The following NRDC variants were observed in gnomAD, a reference collection of about 807,000 sequenced individuals.
NRDC encodes nardilysin.
A neutral mutation model predicts 147.1 loss-of-function variants in NRDC; 54 were observed. That is an observed-to-expected ratio of 0.37 (90% CI 0.29 to 0.46). The LOEUF (loss-of-function observed/expected upper bound fraction) is 0.46, where lower values mean the gene tolerates loss of function less well. NRDC is among the 20% of genes least tolerant of loss of function. NRDC has a pLI of 1.00. For missense variants in NRDC, 1,082 were observed against 1,370.6 expected (o/e 0.79, Z 3.33); for synonymous variants, 440 against 482.1 (o/e 0.91, Z 1.14).
chr1:51,859,645 T>C (rs1682431622), intron 1 of NRDC: 1 of 152,292 alleles, frequency 6.6e-6, no homozygotes, highest in Admixed American at 6.5e-5. Context: ...ATACCCATCT[T>C]GGGTGCCATG....
At chr1:51,791,796 TG>T (rs1263900413) in intron 26 of NRDC, 135 bp from the exon 27 acceptor site, 10 of 749,724 alleles carry the variant, frequency 1.3e-5, no homozygotes, top group African/African-American at 3.5e-5. Context: ...GACCCAAAAA[TG>T]TTAAGGTGTC....
At chr1:51,842,475 A>G (rs1681318983) in intron 1 of NRDC, among the ~76,000 whole-genome samples, 1 of 152,222 alleles carries the variant, frequency 6.6e-6, no homozygotes, top group Non-Finnish European at 1.5e-5. Flanking sequence ...AATAAGCTCA[A>G]TTATGTAAAC....
chr1:51,813,287 G>A (rs1180096295), intron 14 of NRDC, among the ~76,000 whole-genome samples: 1 of 152,126 alleles, frequency 6.6e-6, no homozygotes, highest in Non-Finnish European at 1.5e-5. Context: ...TATTTACCGA[G>A]CACCCAGATA....
At chr1:51,851,541 C>T (rs1484600783) in intron 1 of NRDC, among the ~76,000 whole-genome samples, 1 of 144,466 alleles carries the variant, frequency 6.9e-6, no homozygotes, top group Admixed American at 7.0e-5. Context: ...AGATTTGGGC[C>T]CAAGGAAAAA....
At chr1:51,793,983 C>T (rs1175715420) in intron 24 of NRDC, 1 of 154,944 alleles carries the variant, frequency 6.5e-6, no homozygotes, top group Non-Finnish European at 1.4e-5. Context: ...AAGGAATAAT[C>T]TGAGACCCAG....
At chr1:51,821,412 A>G in intron 8 of NRDC, 86 bp downstream of exon 8, 1 of 871,710 alleles carries the variant, frequency 1.1e-6, no homozygotes, top group Non-Finnish European at 1.8e-6. Context: ...TGTAAAAATA[A>G]AAAAGCAAAA....
At chr1:51,822,319 T>C (rs1048501942) in intron 7 of NRDC, among the ~76,000 whole-genome samples, 2 of 152,158 alleles carry the variant, frequency 1.3e-5, no homozygotes, top group African/African-American at 4.8e-5. Context: ...TGTTTGACTC[T>C]TAAATGGTAT....
intron 29 of NRDC, 47 bp downstream of exon 29, chr1:51,790,473 TGCCTGTAGAATCA>T: frequency 1.0e-6 from 1 of 1,004,070 alleles, no homozygotes; most frequent in South Asian, 1.3e-5. Flanking sequence ...AGACCTGTGA[TGCCTGTAGAATCA>T]GGAACCTTGA....
At chr1:51,821,867 C>A (rs1680226137) in intron 7 of NRDC, among the ~76,000 whole-genome samples, 1 of 152,118 alleles carries the variant, frequency 6.6e-6, no homozygotes, top group South Asian at 2.1e-4. Context: ...TAAGATTATG[C>A]CAACCATCCT....
chr1:51,810,210 T>A, intron 16 of NRDC, 71 bp downstream of exon 16: 1 of 1,215,918 alleles, frequency 8.2e-7, no homozygotes, highest in African/African-American at 1.6e-5. Flanking sequence ...AACCATTAAA[T>A]TATTAAAGAA....
intron 1 of NRDC, 36 bp from the exon 2 acceptor site, chr1:51,840,550 C>A: frequency 6.9e-7 from 1 of 1,450,494 alleles, no homozygotes; most frequent in South Asian, 1.3e-5. Context: ...CATTTTGATT[C>A]AGCTGTTCTT....
intron 23 of NRDC, 45 bp downstream of exon 23, chr1:51,794,778 G>T: frequency 6.2e-7 from 1 of 1,608,612 alleles, no homozygotes; most frequent in Non-Finnish European, 8.5e-7. Context: ...ATGCCCTCTC[G>T]CTGGTAAGAA....
intron 6 of NRDC, among the ~76,000 whole-genome samples, chr1:51,825,034 G>A (rs1245520840): frequency 6.6e-6 from 1 of 152,170 alleles, no homozygotes; most frequent in Non-Finnish European, 1.5e-5. Flanking sequence ...AATAATTCAT[G>A]TAGTGTTAGC....
In NRDC at chr1:51,836,567, A is replaced by G. The variant is rs959020572; in HGVS notation, c.631-355T>C. 14 of 726,452 alleles carry G rather than the reference A, an allele frequency of 1.9e-5. No individual in the cohort carries two copies. In the African/African-American group the frequency reaches 2.1e-4, roughly 11 times the overall value. The allele number at this position is 726,452 out of a possible 1,614,324, so 45.0% of individuals were successfully genotyped here. A position where few individuals can be genotyped will look rare whatever the true frequency, so the allele number is the denominator to read the frequency against. On this transcript the variant is annotated intron_variant, in intron 2 of 30. Transcript: ENST00000352171. ...TTTTCCCTGAATTACTAGATTTTGG[A>G]AATCTGCGGAAGTAACATATCTAGA...
intron 10 of NRDC, 31 bp downstream of exon 10, chr1:51,818,035 T>C: frequency 6.5e-7 from 1 of 1,541,612 alleles, no homozygotes; most frequent in Non-Finnish European, 8.9e-7. Context: ...CACTTGGTTC[T>C]AATGAAGTAA....
intron 21 of NRDC, 48 bp from the exon 22 acceptor site, chr1:51,798,459 T>C (rs1179070877): frequency 6.8e-7 from 1 of 1,468,818 alleles, no homozygotes; most frequent in East Asian, 2.3e-5. Context: ...TTATTAGAAA[T>C]GAATCTTCAG....
intron 5 of NRDC, among the ~76,000 whole-genome samples, chr1:51,826,252 G>A (rs72900077): frequency 0.015 from 2,309 of 152,180 alleles, 63 homozygotes; most frequent in African/African-American, 0.053. Flanking sequence ...GTTATCTAAC[G>A]TACCTGATTC....
chr1:51,852,253 A>G (rs1681988538), intron 1 of NRDC, among the ~76,000 whole-genome samples: 1 of 151,598 alleles, frequency 6.6e-6, no homozygotes, highest in Admixed American at 6.6e-5. Context: ...ACCCTGGCTA[A>G]CGCTTCTTAG....
Position 51,821,528 on chromosome 1 carries a change from A to G in NRDC, c.1187T>C (p.Val396Ala). 6.2e-7 allele frequency: 1 copy of G among 1,609,594 alleles called. No individual in the cohort carries two copies. Among genetic ancestry groups the G allele is most frequent in the Non-Finnish European group, 8.5e-7 (1 of 1,175,978 alleles). The change falls in exon 8 of 31, where the codon GTG becomes GCG. Residue 396 changes from valine to alanine, a missense_variant. By Grantham distance (64) the Val-to-Ala change is moderately conservative. Around this residue, in one of 3 missense-constraint regions of NRDC, gnomAD observed 635 missense variants for 923.8 expected, o/e 0.69. Transcript: ENST00000352171. Reference protein sequence around the residue: ...KETLDTLEKWVTEIFSQIPNN... With the variant: ...KETLDTLEKWATEIFSQIPNN... ...TGGTATCTGAGAGAAGATTTCAGTCACCCACTTTTCCAAAGTATCCAGTGT... is the reference window on the plus strand; with the variant it reads ...TGGTATCTGAGAGAAGATTTCAGTCGCCCACTTTTCCAAAGTATCCAGTGT...
Sources: allele counts gnomAD v4.1 joint callset (sites outside exome capture counted in the v4.1 genomes callset), GRCh38; gene constraint gnomAD v4.1.1; regional missense constraint gnomAD v4.1.1; transcripts MANE v1.5; gene names NCBI Gene and HGNC (gene_info 2026-07-23, HGNC 2026-07-21).